Variants in ZNF830 observed in about 807,000 individuals in gnomAD.
ZNF830 encodes the protein zinc finger protein 830, also known as coiled-coil domain containing 16.
ZNF830 carries 15 observed loss-of-function variants against 28.1 expected under a neutral mutation model. That is an observed-to-expected ratio of 0.53 (90% CI 0.36 to 0.82). The LOEUF is 0.82. Among genes scored for constraint, ZNF830 ranks in the 40% least tolerant of loss-of-function variants. The pLI is 0.01. For synonymous variants in ZNF830, 208 were observed against 185.3 expected (o/e 1.12, Z -0.99); for missense variants, 456 against 467.7 (o/e 0.97, Z 0.23).
rs1416360306 is a variant in ZNF830 at position 34,962,097 on chromosome 17, G to A, written c.531G>A (p.Arg177=). 1 of 1,614,152 alleles carries A rather than the reference G, an allele frequency of 6.2e-7. No individual in the cohort carries two copies. The highest frequency in any genetic ancestry group is 1.1e-5 in the South Asian group (1 of 91,080). The change falls in exon 1 of 1, where the codon AGG becomes AGA. Residue 177 remains arginine, a synonymous_variant. Coordinates refer to ENST00000361952, the MANE Select transcript of ZNF830 (RefSeq NM_052857.4). ...AGGAAGGAGATGGAGAAAGAAAAAG[G>A]GGGGACGCCAGCAAGCCGCTCTCCG... The part of the protein sequence containing the change: ...EEEEGDGERK[R]GDASKPLSDA...
chr17:34,962,568 A>T lies in ZNF830; in HGVS notation c.1002A>T (p.Glu334Asp). Residue 334 changes from glutamate to aspartate, a missense_variant, in exon 1 of 1, where the codon GAA becomes GAT. Transcript: ENST00000361952. ...ATGAAATAAAAAATAAACTTAAAGAAATCCTGACCATAAAAGAACTGCAGA... is the reference window on the plus strand; with the variant it reads ...ATGAAATAAAAAATAAACTTAAAGATATCCTGACCATAAAAGAACTGCAGA... ...RQDEIKNKLK[E>D]ILTIKELQKK... is the part of the protein sequence containing the mutation. 6.2e-7 allele frequency: 1 copy of T among 1,614,050 alleles called. No homozygotes were observed. The highest frequency in any genetic ancestry group is 8.5e-7 in the Non-Finnish European group (1 of 1,180,010).
Position 34,962,108 on chromosome 17 carries a change from G to C in ZNF830, c.542G>C (p.Ser181Thr). 1 of 1,614,094 alleles carries C rather than the reference G, an allele frequency of 6.2e-7. No homozygotes were observed. The highest frequency in any genetic ancestry group is 8.5e-7 in the Non-Finnish European group (1 of 1,180,008). The change falls in exon 1 of 1, where the codon AGC (serine) becomes ACC (threonine). Residue 181 changes from serine (S) to threonine (T), a missense_variant. Around this residue, in one of 2 missense-constraint regions of ZNF830, gnomAD observed 331 missense variants for 290.1 expected, o/e 1.14. Transcript: ENST00000361952. ...GDGERKRGDA[S>T]KPLSDAQGKE... ...GGAGAAAGAAAAAGGGGGGACGCCA[G>C]CAAGCCGCTCTCCGACGCACAGGGC... is the stretch of plus-strand genomic sequence containing the variant.
rs550736756 is a variant in ZNF830 at position 34,961,866 on chromosome 17, C to G, written c.300C>G (p.Ser100=). The change falls in exon 1 of 1, where the codon TCC becomes TCG. Residue 100 remains serine (S), a synonymous_variant. Coordinates refer to ENST00000361952, the MANE Select transcript of ZNF830 (RefSeq NM_052857.4). ...CGTCCGCCAGTTCAGCGCCTCATTCCGTCAAGAGGAAAGCGCCGGACGCAG... is the reference window on the plus strand; with the variant it reads ...CGTCCGCCAGTTCAGCGCCTCATTCGGTCAAGAGGAAAGCGCCGGACGCAG... ...QGSSASSAPH[S]VKRKAPDADD... is the part of the protein sequence containing the mutation. The G allele has an allele frequency of 2.9e-5, 47 of 1,614,048 alleles. No homozygotes were observed. In the South Asian group the frequency reaches 4.9e-4, roughly 17 times the overall value.
rs532861376 is a variant in ZNF830, at chr17:34,962,712, A to G, written c.*27A>G. The stretch of plus-strand genomic sequence containing the variant: ...GTTTTAAAGACCCAAGGTTTCTAAC[A>G]GCCTCTGCTGTTGTATAAAAAGTGC... On this transcript the variant is annotated 3_prime_UTR_variant, in exon 1 of 1. Coordinates refer to ENST00000361952, the MANE Select transcript of ZNF830 (RefSeq NM_052857.4). 1 of 1,548,538 alleles carries G rather than the reference A, an allele frequency of 6.5e-7. No individual in the cohort carries two copies. The highest frequency in any genetic ancestry group is 1.4e-5 in the African/African-American group (1 of 72,412).
In ZNF830 at chr17:34,961,773, C is replaced by A; in HGVS notation, c.207C>A (p.His69Gln). 2 of 1,614,060 alleles carry A rather than the reference C, an allele frequency of 1.2e-6. No homozygotes were observed. The highest frequency in any genetic ancestry group is 1.1e-5 in the South Asian group (1 of 91,078). Residue 69 changes from histidine (H) to glutamine (Q), a missense_variant, in exon 1 of 1, where the codon CAC becomes CAA. Physicochemically the swap from His to Gln is conservative, Grantham distance 24. This residue lies in a region of ZNF830 where 331 missense variants were observed against 290.1 expected (regional missense o/e 1.14). Coordinates refer to ENST00000361952, the MANE Select transcript of ZNF830 (RefSeq NM_052857.4). Reference sequence around the variant, plus strand: ...AGAGCGAGCTCCTGTGGCAGACTCACGTCCTGGGAAAGCAGCACCGAGAGA... The same window carrying A: ...AGAGCGAGCTCCTGTGGCAGACTCAAGTCCTGGGAAAGCAGCACCGAGAGA... ...PVKSELLWQT[H>Q]VLGKQHREKV...
In ZNF830 at chr17:34,962,235, A is replaced by G; in HGVS notation, c.669A>G (p.Ser223=). The G allele has an allele frequency of 2.5e-6, 4 of 1,613,966 alleles. No individual in the cohort carries two copies. Among genetic ancestry groups the G allele is most frequent in the Non-Finnish European group, 3.4e-6 (4 of 1,180,038 alleles). ...NPPKAPIIPH[S]GSIEKAEIHE... is the part of the protein sequence containing the mutation. Reference sequence around the variant, plus strand: ...CCAAGGCCCCCATAATTCCTCATTCAGGGTCAATTGAGAAAGCAGAAATAC... The same window carrying G: ...CCAAGGCCCCCATAATTCCTCATTCGGGGTCAATTGAGAAAGCAGAAATAC... Residue 223 remains serine, a synonymous_variant, in exon 1 of 1, where the codon TCA becomes TCG. Transcript: ENST00000361952.
At position 34,962,132 on chromosome 17, in the gene ZNF830, G is replaced by T. The variant is rs1334117117; in HGVS notation, c.566G>T (p.Gly189Val). The change falls in exon 1 of 1, where the codon GGC (glycine) becomes GTC (valine). Residue 189 changes from glycine to valine, a missense_variant. Gly to Val is a moderately radical substitution (Grantham distance 109). Around this residue, in one of 2 missense-constraint regions of ZNF830, gnomAD observed 331 missense variants for 290.1 expected, o/e 1.14. Transcript: ENST00000361952. ...DASKPLSDAQ[G>V]KEHSVSSSRE... Reference sequence around the variant, plus strand: ...AGCAAGCCGCTCTCCGACGCACAGGGCAAGGAGCACTCAGTTTCCTCTTCA... The same window carrying T: ...AGCAAGCCGCTCTCCGACGCACAGGTCAAGGAGCACTCAGTTTCCTCTTCA... 6.2e-7 allele frequency: 1 copy of T among 1,614,166 alleles called. No individual in the cohort carries two copies. The highest frequency in any genetic ancestry group is 1.7e-5 in the Admixed American group (1 of 60,024).
In ZNF830 at chr17:34,961,592, C is replaced by A; in HGVS notation, c.26C>A (p.Thr9Asn). The stretch of plus-strand genomic sequence containing the variant: ...ATGGCGTCCTCCGCCTCCGCCCGGA[C>A]TCCGGCAGGGAAGCGAGTGATAAAT... The part of the protein sequence containing the change: MASSASAR[T>N]PAGKRVINQE... Residue 9 changes from threonine (T) to asparagine (N), a missense_variant, in exon 1 of 1, where the codon ACT (threonine) becomes AAT (asparagine). Thr to Asn is a moderately conservative substitution (Grantham distance 65). This residue lies in a region of ZNF830 where 331 missense variants were observed against 290.1 expected (regional missense o/e 1.14). Coordinates refer to ENST00000361952, the MANE Select transcript of ZNF830 (RefSeq NM_052857.4). 6.2e-7 allele frequency: 1 copy of A among 1,614,020 alleles called. No individual in the cohort carries two copies. Among genetic ancestry groups the A allele is most frequent in the Non-Finnish European group, 8.5e-7 (1 of 1,179,916 alleles).
In ZNF830 at chr17:34,962,392, G is replaced by GA; in HGVS notation, c.828dup (p.Phe277IlefsTer21). On this transcript the variant is annotated frameshift_variant, in exon 1 of 1. Coordinates refer to ENST00000361952, the MANE Select transcript of ZNF830 (RefSeq NM_052857.4). LOFTEE classifies it high-confidence loss of function. Reference sequence around the variant, plus strand: ...AGATCAGATGGACAAAGAGTGGGACGAATTCCAAAAAGCCATGAGGCAGGT... The same window carrying GA: ...AGATCAGATGGACAAAGAGTGGGACGAAATTCCAAAAAGCCATGAGGCAGGT... 6.2e-7 allele frequency: 1 copy of GA among 1,614,118 alleles called. No individual in the cohort carries two copies. Among genetic ancestry groups the GA allele is most frequent in the Non-Finnish European group, 8.5e-7 (1 of 1,180,030 alleles).
Position 34,961,669 on chromosome 17 carries a change from C to T in ZNF830, c.103C>T (p.Arg35Trp), listed in dbSNP as rs376208015. ...MKEKQRLSTS[R>W]KRIESPFAKY... ...GGAGAAGCAGCGTCTGAGCACCAGT[C>T]GGAAACGGATAGAATCTCCATTCGC... The change falls in exon 1 of 1, where the codon CGG becomes TGG. Residue 35 changes from arginine (R) to tryptophan (W), a missense_variant. By Grantham distance (101) the Arg-to-Trp change is moderately radical. Around this residue, in one of 2 missense-constraint regions of ZNF830, gnomAD observed 331 missense variants for 290.1 expected, o/e 1.14. Transcript: ENST00000361952. The T allele has an allele frequency of 3.8e-5, 61 of 1,614,062 alleles. No homozygotes were observed. In the African/African-American group the frequency reaches 7.9e-4, roughly 21 times the overall value.
In ZNF830 at chr17:34,963,685, T is replaced by C. The variant is rs2090442980; in HGVS notation, c.*1000T>C. On this transcript the variant is annotated 3_prime_UTR_variant, in exon 1 of 1. Coordinates refer to ENST00000361952, the MANE Select transcript of ZNF830 (RefSeq NM_052857.4). ...TTTAAATCACTCCTTCCTTTAGAGA[T>C]TGAGGTACTCAAATAGGAAAAGGGA... 6.6e-6 allele frequency: 1 copy of C among 152,214 alleles called. No individual in the cohort carries two copies. The highest frequency in any genetic ancestry group is 2.4e-5 in the African/African-American group (1 of 41,444). 9.4% of individuals were successfully genotyped at this position (152,214 alleles called of 1,614,324 possible).
rs1423900144 is a variant in ZNF830 at position 34,961,573 on chromosome 17, T to TCCTCCG, written c.16_21dup (p.Ser6_Ala7dup). 6.2e-7 allele frequency: 1 copy of TCCTCCG among 1,613,390 alleles called. No individual in the cohort carries two copies. Among genetic ancestry groups the TCCTCCG allele is most frequent in the Admixed American group, 1.7e-5 (1 of 59,984 alleles). Reference sequence around the variant, plus strand: ...TTTGGGTCTGGTCGCCAAGATGGCGTCCTCCGCCTCCGCCCGGACTCCGGC... The same window carrying TCCTCCG: ...TTTGGGTCTGGTCGCCAAGATGGCGTCCTCCGCCTCCGCCTCCGCCCGGACTCCGGC... On this transcript the variant is annotated inframe_insertion, in exon 1 of 1. Coordinates refer to ENST00000361952, the MANE Select transcript of ZNF830 (RefSeq NM_052857.4).
At position 34,962,709 on chromosome 17, in the gene ZNF830, A is replaced by G. The variant is rs1597773782; in HGVS notation, c.*24A>G. The G allele has an allele frequency of 6.4e-7, 1 of 1,551,034 alleles. No individual in the cohort carries two copies. Among genetic ancestry groups the G allele is most frequent in the Non-Finnish European group, 8.7e-7 (1 of 1,155,266 alleles). On this transcript the variant is annotated 3_prime_UTR_variant, in exon 1 of 1. Coordinates refer to ENST00000361952, the MANE Select transcript of ZNF830 (RefSeq NM_052857.4). ...AGGGTTTTAAAGACCCAAGGTTTCT[A>G]ACAGCCTCTGCTGTTGTATAAAAAG...
chr17:34,962,179 C>T lies in ZNF830; in HGVS notation c.613C>T (p.Leu205=). The stretch of plus-strand genomic sequence containing the variant: ...TTCACGGGAGGTAACAAGTAGTGTG[C>T]TGCCAAACGATTTCTTTAGTACTAA... ...SSSREVTSSV[L]PNDFFSTNPP... is the part of the protein sequence containing the mutation. Residue 205 remains leucine (L), a synonymous_variant, in exon 1 of 1, where the codon CTG becomes TTG. Transcript: ENST00000361952. The T allele has an allele frequency of 6.2e-7, 1 of 1,614,130 alleles. No individual in the cohort carries two copies. The highest frequency in any genetic ancestry group is 8.5e-7 in the Non-Finnish European group (1 of 1,180,042).
Position 34,962,948 on chromosome 17 carries a change from C to A in ZNF830, c.*263C>A. ...CACGACAGACTTAACTGTATAATTT[C>A]GTTGTAAAATCTGTAAGTTGTAAAT... On this transcript the variant is annotated 3_prime_UTR_variant, in exon 1 of 1. Coordinates refer to ENST00000361952, the MANE Select transcript of ZNF830 (RefSeq NM_052857.4). 2.7e-6 allele frequency: 1 copy of A among 370,676 alleles called. No homozygotes were observed. The allele number at this position is 370,676 out of a possible 1,614,324, so 23.0% of individuals were successfully genotyped here.
At position 34,962,292 on chromosome 17, in the gene ZNF830, C is replaced by A; in HGVS notation, c.726C>A (p.Thr242=). The change falls in exon 1 of 1, where the codon ACC becomes ACA. Residue 242 remains threonine (T), a synonymous_variant. Coordinates refer to ENST00000361952, the MANE Select transcript of ZNF830 (RefSeq NM_052857.4). ...AAGTGGTGGAAAGGAGAGAAAACAC[C>A]GCGGAAGCGTTACCGGAAGGTTTTT... The part of the protein sequence containing the change: ...HEKVVERREN[T]AEALPEGFFD... The A allele has an allele frequency of 6.2e-7, 1 of 1,613,934 alleles. No homozygotes were observed. The highest frequency in any genetic ancestry group is 8.5e-7 in the Non-Finnish European group (1 of 1,180,036).
rs1438274878 is a variant in ZNF830, at chr17:34,962,603, A to G, written c.1037A>G (p.Glu346Gly). Residue 346 changes from glutamate (E) to glycine (G), a missense_variant, in exon 1 of 1, where the codon GAA becomes GGA. Around this residue, in one of 2 missense-constraint regions of ZNF830, gnomAD observed 125 missense variants for 177.7 expected, o/e 0.70. Coordinates refer to ENST00000361952, the MANE Select transcript of ZNF830 (RefSeq NM_052857.4). ...ATAAAAGAACTGCAGAAAAAGGAAGAAGAGAATGCTGACAGCGATGATGAG... is the reference window on the plus strand; with the variant it reads ...ATAAAAGAACTGCAGAAAAAGGAAGGAGAGAATGCTGACAGCGATGATGAG... Reference protein sequence around the residue: ...LTIKELQKKEEENADSDDEGE... With the variant: ...LTIKELQKKEGENADSDDEGE... The G allele has an allele frequency of 1.9e-6, 3 of 1,613,594 alleles. No homozygotes were observed. Among genetic ancestry groups the G allele is most frequent in the Non-Finnish European group, 2.5e-6 (3 of 1,179,974 alleles).
In ZNF830 at chr17:34,962,402, A is replaced by C; in HGVS notation, c.836A>C (p.Lys279Thr). The change falls in exon 1 of 1, where the codon AAA (lysine) becomes ACA (threonine). Residue 279 changes from lysine to threonine, a missense_variant. Around this residue, in one of 2 missense-constraint regions of ZNF830, gnomAD observed 125 missense variants for 177.7 expected, o/e 0.70. Coordinates refer to ENST00000361952, the MANE Select transcript of ZNF830 (RefSeq NM_052857.4). ...GACAAAGAGTGGGACGAATTCCAAA[A>C]AGCCATGAGGCAGGTCAACACTATT... ...QMDKEWDEFQ[K>T]AMRQVNTISE... is the part of the protein sequence containing the mutation. The C allele has an allele frequency of 6.2e-7, 1 of 1,614,198 alleles. No homozygotes were observed. The highest frequency in any genetic ancestry group is 8.5e-7 in the Non-Finnish European group (1 of 1,180,046).
Position 34,962,990 on chromosome 17 carries a change from T to A in ZNF830, c.*305T>A, listed in dbSNP as rs934507446. On this transcript the variant is annotated 3_prime_UTR_variant, in exon 1 of 1. Transcript: ENST00000361952. The stretch of plus-strand genomic sequence containing the variant: ...GTTGTAAATATTGTACATAGTTAAA[T>A]CTGTATTCTGTTTTGAATTTTTTTA... 2 of 251,768 alleles carry A rather than the reference T, an allele frequency of 7.9e-6. No individual in the cohort carries two copies. Among genetic ancestry groups the A allele is most frequent in the Non-Finnish European group, 7.9e-6 (1 of 126,934 alleles). 15.6% of individuals were successfully genotyped at this position (251,768 alleles called of 1,614,324 possible). A position where few individuals can be genotyped will look rare whatever the true frequency, so the allele number is the denominator to read the frequency against.
Sources: gnomAD v4.1 joint callset for allele counts on GRCh38, gnomAD v4.1.1 for gene constraint, gnomAD v4.1.1 regional missense constraint, MANE v1.5 for transcripts, NCBI Gene and HGNC (gene_info 2026-07-23, HGNC 2026-07-21) for gene names.